SWAP70: variants seen among roughly 807,000 people sequenced by gnomAD.
SWAP70 encodes the protein switching B cell complex subunit SWAP70, also known as switch-associated protein 70.
Under a neutral mutation model 80.2 loss-of-function variants are expected in SWAP70, and 34 were observed. That is an observed-to-expected ratio of 0.42 (90% CI 0.32 to 0.56). The LOEUF (loss-of-function observed/expected upper bound fraction) is 0.56, where lower values mean the gene tolerates loss of function less well. Among genes scored for constraint, SWAP70 ranks in the 20% least tolerant of loss-of-function variants. SWAP70 has a pLI of 0.09. For synonymous variants in SWAP70, 239 were observed against 238.5 expected (o/e 1.00, Z -0.02); for missense variants, 578 against 690.7 (o/e 0.84, Z 1.83).
rs746191830 is a variant in SWAP70 at position 9,728,100 on chromosome 11, A to G, written c.690A>G (p.Arg230=). Reference sequence around the variant, plus strand: ...ACAGACGGAAAAACTGGACTGAAAGATGGTTTGTACTAAAACCCAACATAA... The same window carrying G: ...ACAGACGGAAAAACTGGACTGAAAGGTGGTTTGTACTAAAACCCAACATAA... ...KGHRRKNWTE[R]WFVLKPNIIS... Residue 230 remains arginine (R), a synonymous_variant, in exon 5 of 12, where the codon AGA becomes AGG. Transcript: ENST00000318950. The G allele has an allele frequency of 3.1e-6, 5 of 1,612,910 alleles. No individual in the cohort carries two copies. Among genetic ancestry groups the G allele is most frequent in the East Asian group, 4.5e-5 (2 of 44,760 alleles).
intron 2 of SWAP70, among the ~76,000 whole-genome samples, chr11:9,698,493 C>T (rs1850790282): frequency 6.6e-6 from 1 of 152,110 alleles, no homozygotes; most frequent in Non-Finnish European, 1.5e-5. Context: ...TGTCCTCTGC[C>T]TCCCGGGCTC....
At chr11:9,705,487 C>A (rs1207242641) in intron 2 of SWAP70, among the ~76,000 whole-genome samples, 1 of 134,268 alleles carries the variant, frequency 7.4e-6, no homozygotes, top group African/African-American at 3.2e-5. Flanking sequence ...TCTGTATACA[C>A]TGGTGATCTG....
chr11:9,729,503 T>TA, intron 6 of SWAP70, 52 bp downstream of exon 6: 2 of 1,373,962 alleles, frequency 1.5e-6, no homozygotes, highest in Non-Finnish European at 2.0e-6. Context: ...GCTCTGACTT[T>TA]CTTTTTTTTT....
chr11:9,683,106 CTA>C (rs1201855474), intron 1 of SWAP70, among the ~76,000 whole-genome samples: 2 of 152,162 alleles, frequency 1.3e-5, no homozygotes, highest in African/African-American at 4.8e-5. Context: ...AACTTAGAAA[CTA>C]TTCTGTCTGG....
chr11:9,734,545 C>T (rs995388778), intron 7 of SWAP70, among the ~76,000 whole-genome samples: 19 of 152,092 alleles, frequency 1.2e-4, no homozygotes, highest in Non-Finnish European at 2.6e-4. Context: ...TCTTATAGAT[C>T]GCTTAGTAAT....
At position 9,671,721 on chromosome 11, in the gene SWAP70, A is replaced by T. The variant is rs1266436593; in HGVS notation, c.99+7443A>T. Among the ~76,000 whole-genome samples the T allele has an allele frequency of 1.6e-3, 169 of 105,220 alleles. No individual in the cohort carries two copies. The East Asian group carries it at 0.017, about 10-fold the overall frequency. The allele number at this position is 105,220 out of a possible 152,430, so 69.0% of individuals were successfully genotyped here. ...TTCTATGTATACATAGAAATATATAAATATATTTCTATGTATACATAGAAA... is the reference window on the plus strand; with the variant it reads ...TTCTATGTATACATAGAAATATATATATATATTTCTATGTATACATAGAAA... On this transcript the variant is annotated intron_variant, in intron 1 of 11. Coordinates refer to ENST00000318950, the MANE Select transcript of SWAP70 (RefSeq NM_015055.4).
intron 10 of SWAP70, among the ~76,000 whole-genome samples, chr11:9,748,673 A>G (rs1851543991): frequency 6.7e-6 from 1 of 149,782 alleles, no homozygotes; most frequent in Admixed American, 6.7e-5. Context: ...AGCACCCTCT[A>G]CTGACAAAGC....
chr11:9,750,801 T>C lies in SWAP70; in HGVS notation c.*831T>C, dbSNP rs1382708054. On this transcript the variant is annotated 3_prime_UTR_variant, in exon 12 of 12. Transcript: ENST00000318950. ...GACCATTGGTGCTCTGACAGAGAAG[T>C]CATGGAGTCATTGCCATTTCCTGGT... 6.6e-6 allele frequency: 1 copy of C among 152,246 alleles called. No homozygotes were observed. Among genetic ancestry groups the C allele is most frequent in the African/African-American group, 2.4e-5 (1 of 41,472 alleles). The allele number at this position is 152,246 out of a possible 1,614,324, so 9.4% of individuals were successfully genotyped here. A position where few individuals can be genotyped will look rare whatever the true frequency, so the allele number is the denominator to read the frequency against.
At chr11:9,745,589 T>A (rs1464064338) in intron 9 of SWAP70, among the ~76,000 whole-genome samples, 2 of 152,210 alleles carry the variant, frequency 1.3e-5, no homozygotes, top group East Asian at 3.9e-4. Flanking sequence ...CCTTAATGAA[T>A]GTGAAGTGTC....
At chr11:9,670,480 G>A (rs191861724) in intron 1 of SWAP70, among the ~76,000 whole-genome samples, 1 of 152,038 alleles carries the variant, frequency 6.6e-6, no homozygotes, top group Non-Finnish European at 1.5e-5. Context: ...GGTCCTTGAT[G>A]GGTGTATGTT....
chr11:9,696,572 G>A (rs1232913456), intron 2 of SWAP70, among the ~76,000 whole-genome samples: 1 of 151,984 alleles, frequency 6.6e-6, no homozygotes, highest in African/African-American at 2.4e-5. Context: ...GTTTCAACAT[G>A]AATAGGATCA....
At position 9,749,068 on chromosome 11, in the gene SWAP70, A is replaced by C. The variant is rs748378897; in HGVS notation, c.1555-19A>C. Reference sequence around the variant, plus strand: ...ACTACCCGTGTGTCTGCATAGTCCAAAATCCACTTTTGTTTCAGGAAGTTA... The same window carrying C: ...ACTACCCGTGTGTCTGCATAGTCCACAATCCACTTTTGTTTCAGGAAGTTA... On this transcript the variant is annotated intron_variant, in intron 10 of 11. Transcript: ENST00000318950. 1.0e-5 allele frequency: 16 copies of C among 1,590,108 alleles called. No individual in the cohort carries two copies. Among genetic ancestry groups the C allele is most frequent in the Non-Finnish European group, 1.3e-5 (15 of 1,160,970 alleles).
At chr11:9,679,376 G>A (rs1241746101) in intron 1 of SWAP70, among the ~76,000 whole-genome samples, 1 of 152,166 alleles carries the variant, frequency 6.6e-6, no homozygotes, top group Non-Finnish European at 1.5e-5. Flanking sequence ...GGAAGGATGG[G>A]GCATGTCAGC....
At chr11:9,748,312 G>A (rs559341731) in intron 10 of SWAP70, among the ~76,000 whole-genome samples, 1 of 152,336 alleles carries the variant, frequency 6.6e-6, no homozygotes, top group South Asian at 2.1e-4. Flanking sequence ...TACCTACTGT[G>A]TTGTAAAGAA....
At chr11:9,724,325 A>T (rs961899814) in intron 3 of SWAP70, among the ~76,000 whole-genome samples, 1 of 152,224 alleles carries the variant, frequency 6.6e-6, no homozygotes, top group Non-Finnish European at 1.5e-5. Context: ...ATGTTCTGAT[A>T]TATTGAAATA....
Position 9,665,800 on chromosome 11 carries a change from G to A in SWAP70, c.99+1522G>A, listed in dbSNP as rs533444318. Among the ~76,000 whole-genome samples, 6 of 152,188 alleles carry A rather than the reference G, an allele frequency of 3.9e-5. No homozygotes were observed. In the South Asian group the frequency reaches 1.0e-3, roughly 26 times the overall value. On this transcript the variant is annotated intron_variant, in intron 1 of 11. Transcript: ENST00000318950. ...TGAGAATTTGTGTTATTTCCAGTTC[G>A]GGGGAGTTATGAGTAGGTCTACATT... is the stretch of plus-strand genomic sequence containing the variant.
At chr11:9,706,910 C>G (rs775499526) in intron 2 of SWAP70, among the ~76,000 whole-genome samples, 18 of 146,786 alleles carry the variant, frequency 1.2e-4, no homozygotes, top group Non-Finnish European at 2.3e-4. Flanking sequence ...CCTTTTTTTT[C>G]TTTATTTTTA....
intron 7 of SWAP70, among the ~76,000 whole-genome samples, chr11:9,737,611 AATG>A (rs1339150263): frequency 2.0e-5 from 3 of 152,176 alleles, no homozygotes; most frequent in Non-Finnish European, 4.4e-5. Flanking sequence ...AAATCTCATG[AATG>A]TGGCTGGGCA....
chr11:9,695,508 A>T (rs1242435348), intron 2 of SWAP70, among the ~76,000 whole-genome samples: 2 of 151,908 alleles, frequency 1.3e-5, no homozygotes, highest in African/African-American at 4.8e-5. Flanking sequence ...TCCTCAGCAA[A>T]CTAACACAGT....
Sources: allele counts gnomAD v4.1 joint callset (sites outside exome capture counted in the v4.1 genomes callset), GRCh38; gene constraint gnomAD v4.1.1; transcripts MANE v1.5; gene names NCBI Gene and HGNC (gene_info 2026-07-23, HGNC 2026-07-21).